Variants in ESCO1 observed in about 807,000 individuals in gnomAD.
ESCO1 encodes the protein establishment of sister chromatid cohesion N-acetyltransferase 1.
ESCO1 carries 33 observed loss-of-function variants against 83.5 expected under a neutral mutation model. The observed-to-expected ratio is 0.40, with a 90% CI of 0.30 to 0.53. The LOEUF is 0.53. Among genes scored for constraint, ESCO1 ranks in the 20% least tolerant of loss-of-function variants. ESCO1 has a pLI of 0.63. For missense variants in ESCO1, 855 were observed against 968.0 expected (o/e 0.88, Z 1.55); for synonymous variants, 332 against 324.3 (o/e 1.02, Z -0.25).
intron 4 of ESCO1, among the ~76,000 whole-genome samples, chr18:21,569,271 C>T (rs1302214933): frequency 6.6e-6 from 1 of 152,176 alleles, no homozygotes; most frequent in Non-Finnish European, 1.5e-5. Context: ...CAGAACCTTG[C>T]CAAAGCAGAT....
intron 8 of ESCO1, among the ~76,000 whole-genome samples, chr18:21,558,130 C>G (rs1387886121): frequency 1.3e-5 from 2 of 151,820 alleles, no homozygotes; most frequent in South Asian, 4.2e-4. Context: ...GGACTACAGG[C>G]GCATGCCACC....
intron 11 of ESCO1, 46 bp from the exon 12 acceptor site, chr18:21,530,536 T>TAA (rs559851098): frequency 2.1e-4 from 195 of 935,908 alleles, no homozygotes; most frequent in African/African-American, 4.6e-4. Flanking sequence ...TGTGAAATGT[T>TAA]AAAAAAAAAA....
intron 8 of ESCO1, among the ~76,000 whole-genome samples, chr18:21,554,910 AAAAT>A (rs1338360912): frequency 1.3e-5 from 2 of 151,912 alleles, no homozygotes; most frequent in African/African-American, 4.8e-5. Context: ...TCCGTCTCAA[AAAAT>A]AAATAAATAA....
chr18:21,566,027 G>T, intron 6 of ESCO1, 119 bp downstream of exon 6: 1 of 864,930 alleles, frequency 1.2e-6, no homozygotes, highest in Non-Finnish European at 1.8e-6. Context: ...AAGCTGTAAT[G>T]AAAAGAGAAT....
Position 21,562,911 on chromosome 18 carries a change from G to A in ESCO1, c.1821+1292C>T, listed in dbSNP as rs1254877098. Among the ~76,000 whole-genome samples the A allele has an allele frequency of 2.1e-5, 3 of 144,188 alleles. No homozygotes were observed. The Admixed American group carries it at 2.1e-4, about 10-fold the overall frequency. 94.6% of individuals were successfully genotyped at this position (144,188 alleles called of 152,430 possible). On this transcript the variant is annotated intron_variant, in intron 7 of 11. Coordinates refer to ENST00000269214, the MANE Select transcript of ESCO1 (RefSeq NM_052911.3). ...TTTGAGATGGAGTATCGCTCTTGTT[G>A]TCCAGGCTGGAGTGCAATGGCATGA...
Position 21,574,927 on chromosome 18 carries a change from T to C in ESCO1, c.-84A>G. The C allele has an allele frequency of 9.6e-7, 1 of 1,040,818 alleles. No individual in the cohort carries two copies. Among genetic ancestry groups the C allele is most frequent in the African/African-American group, 1.6e-5 (1 of 62,258 alleles). The allele number at this position is 1,040,818 out of a possible 1,614,324, so 64.5% of individuals were successfully genotyped here. ...GGCGTGAATGCTGACTAGCTAGTAT[T>C]ATTACTGAGGAGCAGGTCTGAAAAA... On this transcript the variant is annotated 5_prime_UTR_variant, in exon 4 of 12. It adds an upstream start codon to the 5' untranslated region. Transcript: ENST00000269214.
chr18:21,562,321 CA>C (rs1004269851), intron 7 of ESCO1, among the ~76,000 whole-genome samples: 1 of 152,038 alleles, frequency 6.6e-6, no homozygotes, highest in African/African-American at 2.4e-5. Flanking sequence ...ACTAAAAATA[CA>C]ACAAATAGCC....
intron 10 of ESCO1, among the ~76,000 whole-genome samples, chr18:21,535,074 T>G (rs1009114100): frequency 1.3e-5 from 2 of 152,102 alleles, no homozygotes; most frequent in African/African-American, 4.8e-5. Flanking sequence ...ACAATAAAAT[T>G]TTATTTACAA....
chr18:21,583,234 G>A (rs2038527879), intron 2 of ESCO1, among the ~76,000 whole-genome samples: 1 of 151,934 alleles, frequency 6.6e-6, no homozygotes, highest in African/African-American at 2.4e-5. Flanking sequence ...TAAACAATAT[G>A]GATGAACCTT....
chr18:21,590,922 C>T (rs1465904895), intron 1 of ESCO1, among the ~76,000 whole-genome samples: 2 of 150,162 alleles, frequency 1.3e-5, no homozygotes, highest in East Asian at 2.0e-4. Flanking sequence ...TCCAGCCTCA[C>T]GACAGAGCGA....
chr18:21,562,934 T>A (rs1336729493), intron 7 of ESCO1, among the ~76,000 whole-genome samples: 1 of 150,314 alleles, frequency 6.7e-6, no homozygotes, highest in African/African-American at 2.5e-5. Flanking sequence ...TGCAATGGCA[T>A]GATCTCAGCT....
At chr18:21,530,574 C>A in intron 11 of ESCO1, 84 bp from the exon 12 acceptor site, 1 of 1,331,572 alleles carries the variant, frequency 7.5e-7, no homozygotes, top group Non-Finnish European at 1.0e-6. Context: ...ACTGGAATAA[C>A]CTGTCAAATA....
intron 1 of ESCO1, among the ~76,000 whole-genome samples, chr18:21,594,925 C>CTGTGTGTGTG (rs35336026): frequency 0.021 from 2,972 of 143,744 alleles, 37 homozygotes; most frequent in Admixed American, 0.03. Context: ...TCTACAACTA[C>CTGTGTGTGTG]TGTGTGTGTG....
intron 2 of ESCO1, among the ~76,000 whole-genome samples, chr18:21,579,933 T>C (rs1459815019): frequency 6.6e-6 from 1 of 151,020 alleles, no homozygotes; most frequent in Non-Finnish European, 1.5e-5. Flanking sequence ...TCTCCCTCTA[T>C]TGCTCAGGCT....
At chr18:21,544,136 T>G (rs2037940874) in intron 8 of ESCO1, among the ~76,000 whole-genome samples, 1 of 151,374 alleles carries the variant, frequency 6.6e-6, no homozygotes, top group Non-Finnish European at 1.5e-5. Context: ...TAGCTGGGTG[T>G]GGTGGTGCAC....
chr18:21,574,944 T>A lies in ESCO1; in HGVS notation c.-101A>T. 1.1e-6 allele frequency: 1 copy of A among 899,486 alleles called. No individual in the cohort carries two copies. The allele number at this position is 899,486 out of a possible 1,614,324, so 55.7% of individuals were successfully genotyped here. On this transcript the variant is annotated 5_prime_UTR_variant, in exon 4 of 12. Transcript: ENST00000269214. Reference sequence around the variant, plus strand: ...GCTAGTATTATTACTGAGGAGCAGGTCTGAAAAATCAACTTTAACTGATGC... The same window carrying A: ...GCTAGTATTATTACTGAGGAGCAGGACTGAAAAATCAACTTTAACTGATGC...
At chr18:21,559,247 A>C (rs989605640) in intron 8 of ESCO1, among the ~76,000 whole-genome samples, 1 of 152,220 alleles carries the variant, frequency 6.6e-6, no homozygotes, top group Admixed American at 6.5e-5. Flanking sequence ...TATTTCAAAA[A>C]TGAAAAAAAT....
intron 7 of ESCO1, among the ~76,000 whole-genome samples, chr18:21,563,118 A>G (rs1489851453): frequency 4.0e-5 from 6 of 151,726 alleles, no homozygotes. Context: ...TGATCCGCCC[A>G]TTTCGGCCTC....
At chr18:21,571,593 T>C (rs971008063) in intron 4 of ESCO1, among the ~76,000 whole-genome samples, 2 of 152,256 alleles carry the variant, frequency 1.3e-5, no homozygotes, top group Admixed American at 6.5e-5. Flanking sequence ...GTGGTCTACA[T>C]AAACATCTTC....
Sources: allele counts gnomAD v4.1 joint callset (sites outside exome capture counted in the v4.1 genomes callset), GRCh38; gene constraint gnomAD v4.1.1; transcripts MANE v1.5; gene names NCBI Gene and HGNC (gene_info 2026-07-23, HGNC 2026-07-21).